Variants in FAT1 observed in about 807,000 individuals in gnomAD.
FAT1 encodes the protein protocadherin Fat 1.
Under a neutral mutation model 329.8 loss-of-function variants are expected in FAT1, and 171 were observed. The observed-to-expected ratio is 0.52, with a 90% CI of 0.46 to 0.59. The LOEUF (loss-of-function observed/expected upper bound fraction) is 0.59, where lower values mean the gene tolerates loss of function less well. FAT1 is among the 20% of genes least tolerant of loss of function. FAT1 has a pLI of 0.00. For missense variants in FAT1, 5,672 were observed against 5,774.4 expected, an observed-to-expected ratio of 0.98 and a Z score of 0.57; for synonymous variants, 2,233 against 2,228.6, an observed-to-expected ratio of 1.00 and a Z score of -0.06.
chr4:186,591,037 T>C (rs1216880787), intron 26 of FAT1, among the ~76,000 whole-genome samples: 1 of 152,248 alleles, frequency 6.6e-6, no homozygotes, highest in Non-Finnish European at 1.5e-5. Context: ...CCCGCATCTA[T>C]ACACAGAAGC....
Position 186,600,336 on chromosome 4 carries a change from T to G in FAT1, c.11665A>C (p.Lys3889Gln). The change falls in exon 22 of 27, where the codon AAG (lysine) becomes CAG (glutamine). Residue 3889 changes from lysine to glutamine, a missense_variant. Physicochemically the swap from Lys to Gln is moderately conservative, Grantham distance 53 (BLOSUM62 1). Around this residue, in one of 2 missense-constraint regions of FAT1, gnomAD observed 1,706 missense variants for 1,859.1 expected, o/e 0.92. Transcript: ENST00000441802. ...LEIHHGRLQY[K>Q]FDCGSGPGIV... ...CCAGGGCCACTTCCACAGTCAAACT[T>G]GTACTGCAGCCTTCCATGATGAATC... 1 of 1,612,802 alleles carries G rather than the reference T, an allele frequency of 6.2e-7. No homozygotes were observed. The highest frequency in any genetic ancestry group is 8.5e-7 in the Non-Finnish European group (1 of 1,179,314).
chr4:186,613,531 C>G (rs1739564252), intron 12 of FAT1, among the ~76,000 whole-genome samples, 189 bp from the exon 13 acceptor site: 1 of 152,194 alleles, frequency 6.6e-6, no homozygotes, highest in African/African-American at 2.4e-5. Flanking sequence ...CCAACCCTGC[C>G]AGGGGCTAGC....
At position 186,676,290 on chromosome 4, in the gene FAT1, C is replaced by CA. The variant is rs201591915; in HGVS notation, c.3266-12678dup. 2.2e-3 allele frequency among the ~76,000 whole-genome samples: 298 copies of CA among 136,956 alleles called. 1 individual carries two copies. Among genetic ancestry groups the CA allele is most frequent in the East Asian group, 9.6e-3 (47 of 4,890 alleles). The allele number at this position is 136,956 out of a possible 152,430, so 89.8% of individuals were successfully genotyped here. On this transcript the variant is annotated intron_variant, in intron 2 of 26. Transcript: ENST00000441802. ...CAATTCATTTTGTGAAAAAAAAAAA[C>CA]AAAAAAAAACAGGGAGAAGAGGATA...
intron 11 of FAT1, among the ~76,000 whole-genome samples, chr4:186,616,612 G>C (rs943427858): frequency 1.2e-4 from 19 of 152,166 alleles, no homozygotes; most frequent in African/African-American, 3.6e-4. Flanking sequence ...CCACCTCTGA[G>C]CTTCTCCAGC....
rs1187181126 is a variant in FAT1, at chr4:186,636,111, G to A, written c.4097C>T (p.Thr1366Ile). ...ISFEESFFTF[T>I]VMESDPVAHM... ...AGCAACGGGGTCACTTTCCATCACA[G>A]TAAAGGTAAAAAATGATTCTTCAAA... The change falls in exon 6 of 27, where the codon ACT (threonine) becomes ATT (isoleucine). Residue 1366 changes from threonine (T) to isoleucine (I), a missense_variant. Around this residue, in one of 2 missense-constraint regions of FAT1, gnomAD observed 3,966 missense variants for 3,915.2 expected, o/e 1.01. Transcript: ENST00000441802. The A allele has an allele frequency of 3.1e-6, 5 of 1,613,870 alleles. No individual in the cohort carries two copies. The highest frequency in any genetic ancestry group is 2.2e-5 in the East Asian group (1 of 44,892).
Position 186,723,779 on chromosome 4 carries a change from T to C in FAT1, c.-134A>G, listed in dbSNP as rs938034005. 1 of 146,200 alleles carries C rather than the reference T, an allele frequency of 6.8e-6. No homozygotes were observed. Among genetic ancestry groups the C allele is most frequent in the Non-Finnish European group, 1.5e-5 (1 of 66,240 alleles). The allele number at this position is 146,200 out of a possible 1,614,324, so 9.1% of individuals were successfully genotyped here. A position where few individuals can be genotyped will look rare whatever the true frequency, so the allele number is the denominator to read the frequency against. On this transcript the variant is annotated 5_prime_UTR_variant, in exon 1 of 27. An upstream start codon of the reference 5' UTR is lost. Coordinates refer to ENST00000441802, the MANE Select transcript of FAT1 (RefSeq NM_005245.4). Reference sequence around the variant, plus strand: ...CCCTCGCCGGGCTCGCGCGTCCGCATGGTACCTGCCGCACGAGCCGCTCCC... The same window carrying C: ...CCCTCGCCGGGCTCGCGCGTCCGCACGGTACCTGCCGCACGAGCCGCTCCC...
At chr4:186,610,727 A>AATATAAATTTATATAATTT (rs1739407268) in intron 14 of FAT1, among the ~76,000 whole-genome samples, 2 of 117,340 alleles carry the variant, frequency 1.7e-5, no homozygotes, top group South Asian at 4.5e-4. Context: ...AATTTATATA[A>AATATAAATTTATATAATTT]ATATAAATTT....
At position 186,620,864 on chromosome 4, in the gene FAT1, A is replaced by T. The variant is rs2126519888; in HGVS notation, c.5722T>A (p.Ser1908Thr). 1 of 1,614,028 alleles carries T rather than the reference A, an allele frequency of 6.2e-7. No homozygotes were observed. The highest frequency in any genetic ancestry group is 8.5e-7 in the Non-Finnish European group (1 of 1,179,896). The change falls in exon 10 of 27, where the codon TCA becomes ACA. Residue 1908 changes from serine to threonine, a missense_variant. Physicochemically the swap from Ser to Thr is moderately conservative, Grantham distance 58. Transcript: ENST00000441802. ...TAAATCAACTGTGAGAATGCACTTG[A>T]ATCAGCATCTGTAGCATTTACTGTG... Reference protein sequence around the residue: ...VITVNATDADSSAFSQLIYSI... With the variant: ...VITVNATDADTSAFSQLIYSI...
At chr4:186,686,159 G>A (rs1560991860) in intron 2 of FAT1, among the ~76,000 whole-genome samples, 1 of 152,068 alleles carries the variant, frequency 6.6e-6, no homozygotes, top group Non-Finnish European at 1.5e-5. Context: ...GCATTCATTT[G>A]GTACTGCTGC....
intron 26 of FAT1, chr4:186,592,854 T>G (rs1738311457): frequency 2.3e-6 from 1 of 435,806 alleles, no homozygotes; most frequent in African/African-American, 2.0e-5. Context: ...TACCTCAGAT[T>G]CCAACCGATG....
Position 186,707,863 on chromosome 4 carries a change from T to TG in FAT1, c.1964dup (p.Pro656ThrfsTer20). 6.2e-7 allele frequency: 1 copy of TG among 1,613,912 alleles called. No homozygotes were observed. The highest frequency in any genetic ancestry group is 1.1e-5 in the South Asian group (1 of 91,088). On this transcript the variant is annotated frameshift_variant, in exon 2 of 27. Coordinates refer to ENST00000441802, the MANE Select transcript of FAT1 (RefSeq NM_005245.4). LOFTEE classifies it high-confidence loss of function. ...CCACTGTTATGTTGATATATAATGG[T>TG]GTGGCAAAATTTTCTCCATCTGTAG...
rs767252519 is a variant in FAT1, at chr4:186,596,672, C to T, written c.12868G>A (p.Glu4290Lys). 1.7e-5 allele frequency: 27 copies of T among 1,612,132 alleles called. No individual in the cohort carries two copies. The highest frequency in any genetic ancestry group is 2.7e-5 in the African/African-American group (2 of 74,852). The stretch of plus-strand genomic sequence containing the variant: ...GCTTTTCGGTGCCCGTGCACAGACT[C>T]GGGGTTAAAAGTGCTGAATTCGGGA... ...EHPEFSTFNP[E>K]SVHGHRKAVA... is the part of the protein sequence containing the mutation. Residue 4290 changes from glutamate (E) to lysine (K), a missense_variant, in exon 25 of 27, where the codon GAG becomes AAG. This residue lies in a region of FAT1 where 1,706 missense variants were observed against 1,859.1 expected (regional missense o/e 0.92). Transcript: ENST00000441802. The surrounding 1 kb of genome is among the most constrained non-coding windows in gnomAD (Gnocchi z 4.7).
At chr4:186,602,535 T>C (rs903193473) in intron 20 of FAT1, among the ~76,000 whole-genome samples, 4 of 152,146 alleles carry the variant, frequency 2.6e-5, no homozygotes, top group African/African-American at 9.7e-5. Context: ...CTCGGAACCA[T>C]ACGAAAGGTG....
chr4:186,699,020 T>C (rs1045581428), intron 2 of FAT1, among the ~76,000 whole-genome samples: 1 of 152,200 alleles, frequency 6.6e-6, no homozygotes, highest in African/African-American at 2.4e-5. Context: ...GGCACAGACA[T>C]GAACTCCATG....
chr4:186,714,609 G>A (rs754223948), intron 1 of FAT1, among the ~76,000 whole-genome samples: 4 of 152,124 alleles, frequency 2.6e-5, no homozygotes, highest in Non-Finnish European at 5.9e-5. Flanking sequence ...AAAAATCCAA[G>A]AGCAGAACCC....
intron 26 of FAT1, among the ~76,000 whole-genome samples, chr4:186,594,340 C>T (rs1466345188): frequency 1.3e-5 from 2 of 151,908 alleles, no homozygotes; most frequent in South Asian, 2.1e-4. Context: ...GGATTACAGG[C>T]GTGAGCCACT....
At chr4:186,589,937 T>G (rs894266801) in intron 26 of FAT1, among the ~76,000 whole-genome samples, 5 of 152,198 alleles carry the variant, frequency 3.3e-5, no homozygotes, top group Admixed American at 2.0e-4. Context: ...ATTACTATTT[T>G]TCATTAACCC....
At chr4:186,725,997 T>C (rs1358019848), upstream of FAT1, among the ~76,000 whole-genome samples, 1 of 152,226 alleles carries the variant, frequency 6.6e-6, no homozygotes, top group East Asian at 1.9e-4. The surrounding 1 kb of genome is among the most constrained non-coding windows in gnomAD (Gnocchi z 5.4). Flanking sequence ...GGAGCGCGCC[T>C]CGCCAGGTGC....
At position 186,588,120 on chromosome 4, in the gene FAT1, T is replaced by C. The variant is rs1738040957; in HGVS notation, c.*472A>G. 1.0e-5 allele frequency: 2 copies of C among 193,362 alleles called. No homozygotes were observed. Among genetic ancestry groups the C allele is most frequent in the Non-Finnish European group, 1.9e-5 (2 of 103,106 alleles). The allele number at this position is 193,362 out of a possible 1,614,324, so 12.0% of individuals were successfully genotyped here. A position where few individuals can be genotyped will look rare whatever the true frequency, so the allele number is the denominator to read the frequency against. On this transcript the variant is annotated 3_prime_UTR_variant, in exon 27 of 27. Transcript: ENST00000441802. The stretch of plus-strand genomic sequence containing the variant: ...AGTGGAAAAAGACAGAATGAAACCC[T>C]GGTTATAGTAAAAAAAAAAAAATCA...
Sources: allele counts gnomAD v4.1 joint callset (sites outside exome capture counted in the v4.1 genomes callset), GRCh38; gene constraint gnomAD v4.1.1; regional missense constraint gnomAD v4.1.1; non-coding constraint Gnocchi (gnomAD v3.1); transcripts MANE v1.5; gene names NCBI Gene and HGNC (gene_info 2026-07-23, HGNC 2026-07-21).